CHEK2: variants seen among roughly 807,000 people sequenced by gnomAD.
CHEK2 encodes checkpoint kinase 2.
In CHEK2, 71 loss-of-function variants were observed where a neutral mutation model predicts 69.1. The observed-to-expected ratio is 1.03, with a 90% CI of 0.85 to 1.25. The LOEUF (loss-of-function observed/expected upper bound fraction) is 1.25. Ranked by LOEUF, CHEK2 falls within the 50% of genes most tolerant of loss-of-function variation. The probability of loss-of-function intolerance (pLI) is 0.00; values close to 1 mark genes in which losing one functional copy is unlikely to be tolerated. For synonymous variants in CHEK2, 189 were observed against 226.9 expected (o/e 0.83, Z 1.50); for missense variants, 664 against 649.6 (o/e 1.02, Z -0.24).
rs1555913067 is a variant in CHEK2, at chr22:28,694,029, C to T, written c.1461+3G>A. ...ATGCTAGCAGGCACTGTCCCACACCCACCTGAAGCCACGGGTGTCTTAAGG... is the reference window on the plus strand; with the variant it reads ...ATGCTAGCAGGCACTGTCCCACACCTACCTGAAGCCACGGGTGTCTTAAGG... On this transcript the variant is annotated splice_donor_region_variant and intron_variant, in intron 13 of 14. Coordinates refer to ENST00000404276, the MANE Select transcript of CHEK2 (RefSeq NM_007194.4). 1 of 1,590,422 alleles carries T rather than the reference C, an allele frequency of 6.3e-7. No individual in the cohort carries two copies. Among genetic ancestry groups the T allele is most frequent in the Non-Finnish European group, 8.5e-7 (1 of 1,174,372 alleles).
At chr22:28,715,750 A>AT (rs1295116232) in intron 5 of CHEK2, among the ~76,000 whole-genome samples, 1 of 151,886 alleles carries the variant, frequency 6.6e-6, no homozygotes, top group Non-Finnish European at 1.5e-5. Context: ...AAGCCAGTAA[A>AT]TTTTTTCTCT....
intron 5 of CHEK2, among the ~76,000 whole-genome samples, chr22:28,717,074 T>C (rs1410266329): frequency 2.0e-5 from 3 of 152,084 alleles, no homozygotes; most frequent in Non-Finnish European, 4.4e-5. Flanking sequence ...TTAATAATTA[T>C]TTTTTATAAA....
intron 5 of CHEK2, among the ~76,000 whole-genome samples, chr22:28,714,510 T>G (rs370505256): frequency 2.0e-5 from 3 of 152,208 alleles, no homozygotes; most frequent in Admixed American, 6.5e-5. Flanking sequence ...TGTACAGTTC[T>G]AAGATGTCTT....
At chr22:28,710,630 G>A (rs1413895138) in intron 6 of CHEK2, among the ~76,000 whole-genome samples, 1 of 152,176 alleles carries the variant, frequency 6.6e-6, no homozygotes, top group Non-Finnish European at 1.5e-5. Context: ...AGGCTTCAGG[G>A]TACTAAAGTT....
At chr22:28,688,139 G>A (rs527883495) in intron 14 of CHEK2, among the ~76,000 whole-genome samples, 153 bp from the exon 15 acceptor site, 4 of 152,286 alleles carry the variant, frequency 2.6e-5, no homozygotes, top group African/African-American at 2.4e-5. Context: ...TGACAACTGA[G>A]TCCTCACCAC....
At chr22:28,717,081 T>TA (rs1416085629) in intron 5 of CHEK2, among the ~76,000 whole-genome samples, 3 of 152,132 alleles carry the variant, frequency 2.0e-5, no homozygotes, top group Non-Finnish European at 2.9e-5. Flanking sequence ...TTATTTTTTA[T>TA]AAAAAATGTT....
rs769444120 is a variant in CHEK2 at position 28,703,434 on chromosome 22, C to A, written c.908+71G>T. 4 of 844,978 alleles carry A rather than the reference C, an allele frequency of 4.7e-6. No individual in the cohort carries two copies. In the African/African-American group the frequency reaches 6.8e-5, roughly 14 times the overall value. 52.3% of individuals were successfully genotyped at this position (844,978 alleles called of 1,614,324 possible). A position where few individuals can be genotyped will look rare whatever the true frequency, so the allele number is the denominator to read the frequency against. On this transcript the variant is annotated intron_variant, in intron 8 of 14. Coordinates refer to ENST00000404276, the MANE Select transcript of CHEK2 (RefSeq NM_007194.4). ...CCCCAGGATGAGAAAGGCAAGCCTA[C>A]ATTAGATTCTTTGGTGGCTTTATAA...
Position 28,710,004 on chromosome 22 carries a change from A to C in CHEK2, c.846+2T>G. ...AAGTATGAGTCATATAATAATACTTACATGATTTAGCTTTTTCAAAATTTC... is the reference window on the plus strand; with the variant it reads ...AAGTATGAGTCATATAATAATACTTCCATGATTTAGCTTTTTCAAAATTTC... On this transcript the variant is annotated splice_donor_variant, in intron 7 of 14. Coordinates refer to ENST00000404276, the MANE Select transcript of CHEK2 (RefSeq NM_007194.4). LOFTEE classifies it high-confidence loss of function. The C allele has an allele frequency of 6.8e-7, 1 of 1,475,080 alleles. No homozygotes were observed. Among genetic ancestry groups the C allele is most frequent in the Non-Finnish European group, 9.5e-7 (1 of 1,056,044 alleles). The allele number at this position is 1,475,080 out of a possible 1,614,324, so 91.4% of individuals were successfully genotyped here. A position where few individuals can be genotyped will look rare whatever the true frequency, so the allele number is the denominator to read the frequency against.
rs2054312729 is a variant in CHEK2, at chr22:28,734,433, A to G, written c.289T>C (p.Trp97Arg). ...EPTPAPWARLWALQDGFANLE... is the reference protein window; with the variant it reads ...EPTPAPWARLRALQDGFANLE... ...TTGGCAAATCCATCCTGAAGGGCCC[A>G]TAATCGAGCCCAGGGGGCAGGGGTA... The change falls in exon 2 of 15, where the codon TGG (tryptophan) becomes CGG (arginine). Residue 97 changes from tryptophan (W) to arginine (R), a missense_variant. Trp to Arg is a moderately radical substitution (Grantham distance 101). Transcript: ENST00000404276. 2 of 1,614,084 alleles carry G rather than the reference A, an allele frequency of 1.2e-6. No individual in the cohort carries two copies. Among genetic ancestry groups the G allele is most frequent in the East Asian group, 2.2e-5 (1 of 44,884 alleles).
chr22:28,725,740 T>C (rs2053980133), intron 2 of CHEK2, among the ~76,000 whole-genome samples: 1 of 151,850 alleles, frequency 6.6e-6, no homozygotes, highest in South Asian at 2.1e-4. Flanking sequence ...TGAAACCCTA[T>C]CTCTACAAAA....
chr22:28,704,426 G>A (rs1034155224), intron 7 of CHEK2, among the ~76,000 whole-genome samples: 3 of 151,786 alleles, frequency 2.0e-5, no homozygotes, highest in East Asian at 3.9e-4. Flanking sequence ...TCCGCCTCCC[G>A]GGTTCAAGCT....
intron 5 of CHEK2, among the ~76,000 whole-genome samples, chr22:28,718,004 C>T (rs1472286066): frequency 3.6e-4 from 55 of 152,146 alleles, no homozygotes; most frequent in Non-Finnish European, 1.5e-5. Flanking sequence ...TCGCTTGAAC[C>T]CGGGAGGCGG....
intron 2 of CHEK2, among the ~76,000 whole-genome samples, chr22:28,726,570 TATATA>T: frequency 6.9e-6 from 1 of 145,874 alleles, no homozygotes; most frequent in South Asian, 2.1e-4. Flanking sequence ...TATATAATAA[TATATA>T]ATATATATTA....
At chr22:28,740,492 T>A (rs2054524567) in intron 1 of CHEK2, among the ~76,000 whole-genome samples, 1 of 152,184 alleles carries the variant, frequency 6.6e-6, no homozygotes, top group Admixed American at 6.5e-5. Context: ...ACTTTCCCTA[T>A]CCCCTTTTCT....
rs876659950 is a variant in CHEK2, at chr22:28,725,091, T to C, written c.478A>G (p.Ile160Val). 9.9e-6 allele frequency: 16 copies of C among 1,614,048 alleles called. No homozygotes were observed. Among genetic ancestry groups the C allele is most frequent in the South Asian group, 5.5e-5 (5 of 91,092 alleles). ...VGPKNSYIAY[I>V]EDHSGNGTFV... Reference sequence around the variant, plus strand: ...GTTCCATTGCCACTGTGATCTTCTATGTATGCAATGTAAGAGTTTTTAGGA... The same window carrying C: ...GTTCCATTGCCACTGTGATCTTCTACGTATGCAATGTAAGAGTTTTTAGGA... The change falls in exon 4 of 15, where the codon ATA (isoleucine) becomes GTA (valine). Residue 160 changes from isoleucine to valine, a missense_variant. Transcript: ENST00000404276.
At chr22:28,698,620 G>A (rs1247284464) in intron 9 of CHEK2, among the ~76,000 whole-genome samples, 2 of 152,276 alleles carry the variant, frequency 1.3e-5, no homozygotes, top group East Asian at 3.9e-4. Flanking sequence ...TGCATTTCCT[G>A]CAAGGAGTGG....
At chr22:28,714,135 C>G (rs2053507955) in intron 5 of CHEK2, among the ~76,000 whole-genome samples, 2 of 152,162 alleles carry the variant, frequency 1.3e-5, no homozygotes, top group African/African-American at 4.8e-5. Context: ...TAAGAAATCA[C>G]CAAACTATTT....
intron 14 of CHEK2, among the ~76,000 whole-genome samples, chr22:28,688,854 G>C (rs898389761): frequency 2.6e-5 from 4 of 152,180 alleles, no homozygotes; most frequent in African/African-American, 7.2e-5. Flanking sequence ...ATTTATATTT[G>C]AGCCTCTAAT....
At chr22:28,707,936 A>C (rs973322712) in intron 7 of CHEK2, among the ~76,000 whole-genome samples, 13 of 145,040 alleles carry the variant, frequency 9.0e-5, no homozygotes, top group Non-Finnish European at 1.9e-4. Flanking sequence ...TCCCGGGTTC[A>C]CGCCATTCTC....
Sources: allele counts gnomAD v4.1 joint callset (sites outside exome capture counted in the v4.1 genomes callset), GRCh38; gene constraint gnomAD v4.1.1; transcripts MANE v1.5; gene names NCBI Gene and HGNC (gene_info 2026-07-23, HGNC 2026-07-21).